The following TECTA variants were observed in gnomAD, a reference collection of about 807,000 sequenced individuals.
TECTA encodes alpha-tectorin.
In TECTA, 128 loss-of-function variants were observed where a neutral mutation model predicts 216.8. That is an observed-to-expected ratio of 0.59 (90% CI 0.51 to 0.68). The LOEUF (loss-of-function observed/expected upper bound fraction) is 0.68. TECTA is among the 30% of genes least tolerant of loss of function. The pLI, the probability that TECTA is intolerant of heterozygous loss-of-function variation, is 0.00. For missense variants in TECTA, 2,551 were observed against 2,786.2 expected (o/e 0.92, Z 1.90); for synonymous variants, 1,089 against 1,117.1 (o/e 0.97, Z 0.50).
intron 3 of TECTA, among the ~76,000 whole-genome samples, chr11:121,108,525 C>A (rs550255348): frequency 3.9e-4 from 59 of 150,020 alleles, no homozygotes; most frequent in Non-Finnish European, 7.7e-4. Context: ...TACACACACA[C>A]TCCAATATAC....
chr11:121,135,966 T>A (rs1222997348), intron 10 of TECTA, among the ~76,000 whole-genome samples: 2 of 151,418 alleles, frequency 1.3e-5, no homozygotes, highest in Non-Finnish European at 2.9e-5. Context: ...TATGTGCTTT[T>A]TTTTTTTCTC....
chr11:121,179,027 TA>T, intron 20 of TECTA, among the ~76,000 whole-genome samples: 2 of 152,230 alleles, frequency 1.3e-5, no homozygotes, highest in Admixed American at 1.3e-4. Flanking sequence ...TGTTATCTTT[TA>T]AAAAACCAAA....
chr11:121,166,299 C>T (rs1274836584), intron 17 of TECTA, among the ~76,000 whole-genome samples: 1 of 152,198 alleles, frequency 6.6e-6, no homozygotes, highest in Non-Finnish European at 1.5e-5. Flanking sequence ...TAGCTGCCAC[C>T]AGCAAGGTGG....
chr11:121,174,242 TGA>T (rs1947141498), intron 20 of TECTA, among the ~76,000 whole-genome samples: 2 of 151,696 alleles, frequency 1.3e-5, no homozygotes, highest in South Asian at 4.2e-4. Context: ...ATAGGAGTGG[TGA>T]GAGAGGGCAT....
In TECTA at chr11:121,118,611, A is replaced by G. The variant is rs1946524307; in HGVS notation, c.1096A>G (p.Lys366Glu). 1 of 1,614,172 alleles carries G rather than the reference A, an allele frequency of 6.2e-7. No homozygotes were observed. The highest frequency in any genetic ancestry group is 8.5e-7 in the Non-Finnish European group (1 of 1,180,036). ...CCTCCCTTTCTTCAGTGTGGAGGCCAAGAATGAACACCGCAGAGGTTCAGC... is the reference window on the plus strand; with the variant it reads ...CCTCCCTTTCTTCAGTGTGGAGGCCGAGAATGAACACCGCAGAGGTTCAGC... The part of the protein sequence containing the change: ...SSLPFFSVEA[K>E]NEHRRGSAVS... Residue 366 changes from lysine (K) to glutamate (E), a missense_variant, in exon 7 of 24, where the codon AAG becomes GAG. Around this residue, in one of 3 missense-constraint regions of TECTA, gnomAD observed 2,375 missense variants for 2,563.9 expected, o/e 0.93. Coordinates refer to ENST00000392793, the MANE Select transcript of TECTA (RefSeq NM_005422.4).
At chr11:121,184,777 A>G (rs914985718) in intron 20 of TECTA, among the ~76,000 whole-genome samples, 3 of 152,174 alleles carry the variant, frequency 2.0e-5, no homozygotes. Flanking sequence ...TGTACTGTGG[A>G]ATTTTCAGCA....
At chr11:121,159,029 G>C (rs942729287) in intron 14 of TECTA, among the ~76,000 whole-genome samples, 1 of 152,206 alleles carries the variant, frequency 6.6e-6, no homozygotes, top group Admixed American at 6.5e-5. Context: ...TGAGCACAGA[G>C]AGGCAGGGAC....
At position 121,152,252 on chromosome 11, in the gene TECTA, T is replaced by C. The variant is rs1202939844; in HGVS notation, c.4106-629T>C. On this transcript the variant is annotated intron_variant, in intron 12 of 23. Transcript: ENST00000392793. ...ACACACCCATGCATGCCAGCACGTG[T>C]ACTCATGCACACAAACACACACGGT... Among the ~76,000 whole-genome samples the C allele has an allele frequency of 3.9e-5, 6 of 152,254 alleles. No homozygotes were observed. The East Asian group carries it at 9.6e-4, about 24-fold the overall frequency.
chr11:121,190,686 G>A lies in TECTA; in HGVS notation c.6368-20G>A. The A allele has an allele frequency of 6.3e-7, 1 of 1,588,772 alleles. No homozygotes were observed. The highest frequency in any genetic ancestry group is 8.6e-7 in the Non-Finnish European group (1 of 1,157,262). Reference sequence around the variant, plus strand: ...TATTTTTCCCCCCATAGGGCTTACTGTGTTCCTCTCTGTTTACAGCCTCTA... The same window carrying A: ...TATTTTTCCCCCCATAGGGCTTACTATGTTCCTCTCTGTTTACAGCCTCTA... On this transcript the variant is annotated intron_variant, in intron 23 of 23. Coordinates refer to ENST00000392793, the MANE Select transcript of TECTA (RefSeq NM_005422.4).
intron 20 of TECTA, among the ~76,000 whole-genome samples, chr11:121,169,684 A>G (rs1365798789): frequency 6.6e-6 from 1 of 152,168 alleles, no homozygotes; most frequent in Admixed American, 6.5e-5. Flanking sequence ...CTAATTTTAG[A>G]ACATTTTTGT....
At position 121,127,448 on chromosome 11, in the gene TECTA, A is replaced by G. The variant is rs1946623751; in HGVS notation, c.1775-304A>G. 6.6e-6 allele frequency among the ~76,000 whole-genome samples: 1 copy of G among 151,814 alleles called. No homozygotes were observed. Among genetic ancestry groups the G allele is most frequent in the South Asian group, 2.1e-4 (1 of 4,798 alleles). On this transcript the variant is annotated intron_variant, in intron 8 of 23. Transcript: ENST00000392793. The surrounding 1 kb of genome is among the most constrained non-coding windows in gnomAD (Gnocchi z 5.0). ...TTAAAATATCTCGGTAGTGTGGATC[A>G]TCAAATAATAAACCTATATTGGGTA...
chr11:121,120,154 A>G (rs899958571), intron 7 of TECTA, among the ~76,000 whole-genome samples: 4 of 151,632 alleles, frequency 2.6e-5, no homozygotes, highest in Non-Finnish European at 5.9e-5. Context: ...TTTTATTCTC[A>G]GTCAGATTTT....
At chr11:121,186,256 G>T (rs937326286) in intron 20 of TECTA, among the ~76,000 whole-genome samples, 1 of 152,262 alleles carries the variant, frequency 6.6e-6, no homozygotes, top group Non-Finnish European at 1.5e-5. Flanking sequence ...CTCTCCAGCT[G>T]TGTGGAGGGC....
intron 10 of TECTA, among the ~76,000 whole-genome samples, chr11:121,131,213 C>CAAAAA (rs10683692): frequency 7.1e-5 from 5 of 70,800 alleles, no homozygotes; most frequent in African/African-American, 1.8e-4. Context: ...GACTCCATCT[C>CAAAAA]AAAAAAAAAA....
At chr11:121,176,393 A>T (rs1275064281) in intron 20 of TECTA, among the ~76,000 whole-genome samples, 2 of 146,272 alleles carry the variant, frequency 1.4e-5, no homozygotes, top group Non-Finnish European at 3.0e-5. Context: ...GTGGTGACAA[A>T]ATCTCTCAGC....
chr11:121,157,691 G>A (rs1328559432), intron 13 of TECTA, 150 bp from the exon 14 acceptor site: 15 of 1,029,470 alleles, frequency 1.5e-5, no homozygotes, highest in Non-Finnish European at 2.9e-6. Context: ...CATTTGAGTT[G>A]AGGCCGTTTC....
At chr11:121,137,242 A>G (rs540924601) in intron 10 of TECTA, among the ~76,000 whole-genome samples, 179 bp from the exon 11 acceptor site, 4 of 152,022 alleles carry the variant, frequency 2.6e-5, no homozygotes, top group African/African-American at 7.2e-5. Flanking sequence ...ATGCACTCGC[A>G]CACACGCACG....
At chr11:121,188,094 T>C in intron 21 of TECTA, 100 bp downstream of exon 21, 1 of 1,305,450 alleles carries the variant, frequency 7.7e-7, no homozygotes, top group African/African-American at 1.5e-5. Context: ...ACTGGAATCA[T>C]CCATAGATGC....
At chr11:121,158,296 T>A in intron 14 of TECTA, 72 bp downstream of exon 14, 1 of 1,588,278 alleles carries the variant, frequency 6.3e-7, no homozygotes, top group Non-Finnish European at 8.6e-7. Flanking sequence ...TGTGTAGGGT[T>A]CTCCCAGATA....
Sources: allele counts gnomAD v4.1 joint callset (sites outside exome capture counted in the v4.1 genomes callset), GRCh38; gene constraint gnomAD v4.1.1; regional missense constraint gnomAD v4.1.1; non-coding constraint Gnocchi (gnomAD v3.1); transcripts MANE v1.5; gene names NCBI Gene and HGNC (gene_info 2026-07-23, HGNC 2026-07-21).